Variants in FHIT observed in about 807,000 individuals in gnomAD.
FHIT encodes the protein bis(5'-adenosyl)-triphosphatase.
In FHIT, 19 loss-of-function variants were observed where a neutral mutation model predicts 17.9. That is an observed-to-expected ratio of 1.06 (90% CI 0.74 to 1.56). The LOEUF (loss-of-function observed/expected upper bound fraction) is 1.56, where lower values mean the gene tolerates loss of function less well. Ranked by LOEUF, FHIT falls within the 40% of genes most tolerant of loss-of-function variation. The pLI is 0.00. For synonymous variants in FHIT, 81 were observed against 69.7 expected (o/e 1.16, Z -0.81); for missense variants, 248 against 189.2 (o/e 1.31, Z -1.82).
At chr3:60,123,565 A>G (rs1576151477) in intron 5 of FHIT, among the ~76,000 whole-genome samples, 1 of 152,174 alleles carries the variant, frequency 6.6e-6, no homozygotes, top group Non-Finnish European at 1.5e-5. Context: ...AGAGAATTCT[A>G]AAATATCGTT....
intron 5 of FHIT, among the ~76,000 whole-genome samples, chr3:60,346,381 C>T (rs1406989972): frequency 6.6e-6 from 1 of 152,130 alleles, no homozygotes; most frequent in Non-Finnish European, 1.5e-5. Context: ...ATAAATAATG[C>T]TAATAATGAC....
chr3:61,250,668 G>T (rs1321386188), intron 1 of FHIT, among the ~76,000 whole-genome samples: 1 of 151,372 alleles, frequency 6.6e-6, no homozygotes, highest in Admixed American at 6.6e-5. Flanking sequence ...CCACCAACTT[G>T]GATATACCTT....
chr3:60,039,249 A>G (rs182725792), intron 5 of FHIT, among the ~76,000 whole-genome samples: 125 of 152,336 alleles, frequency 8.2e-4, no homozygotes, highest in African/African-American at 2.9e-3. Flanking sequence ...AAGAAAAGCC[A>G]AAGTTCCTTT....
At chr3:60,863,503 T>C (rs1409365558) in intron 3 of FHIT, among the ~76,000 whole-genome samples, 4 of 152,118 alleles carry the variant, frequency 2.6e-5, no homozygotes, top group African/African-American at 9.7e-5. Flanking sequence ...AAAGAAAGGG[T>C]TTAAGAAAAT....
intron 5 of FHIT, among the ~76,000 whole-genome samples, chr3:60,435,133 T>C (rs1387792484): frequency 6.6e-6 from 1 of 152,178 alleles, no homozygotes; most frequent in East Asian, 1.9e-4. Flanking sequence ...GCACAGCCTT[T>C]TCTCTTTGAT....
Position 61,199,259 on chromosome 3 carries a change from A to G in FHIT, c.-164+1358T>C, listed in dbSNP as rs887438428. Among the ~76,000 whole-genome samples, 5 of 152,344 alleles carry G rather than the reference A, an allele frequency of 3.3e-5. No homozygotes were observed. The South Asian group carries it at 8.3e-4, about 25-fold the overall frequency. On this transcript the variant is annotated intron_variant, in intron 2 of 9. Transcript: ENST00000492590. The stretch of plus-strand genomic sequence containing the variant: ...ATTCCCCAAGAGGAAAGGAAGCACC[A>G]TATCTGTGCCAAAAGATTACAAAGT...
At chr3:59,775,071 T>G (rs1014113421) in intron 8 of FHIT, among the ~76,000 whole-genome samples, 16 of 152,186 alleles carry the variant, frequency 1.1e-4, no homozygotes, top group African/African-American at 3.6e-4. Context: ...GGGCTATAAT[T>G]CCCAGTTTCG....
chr3:59,847,161 ATCTCTC>A (rs1297578446), intron 8 of FHIT, among the ~76,000 whole-genome samples: 1 of 152,020 alleles, frequency 6.6e-6, no homozygotes, highest in Non-Finnish European at 1.5e-5. Flanking sequence ...TCTTCAAATA[ATCTCTC>A]TGCCCCTTTC....
chr3:60,859,672 C>A (rs1221310127), intron 3 of FHIT, among the ~76,000 whole-genome samples: 2 of 149,208 alleles, frequency 1.3e-5, no homozygotes, highest in Non-Finnish European at 3.0e-5. Context: ...TACCTAAGAA[C>A]CTCCTAGGAG....
At chr3:60,365,155 A>G (rs745912363) in intron 5 of FHIT, among the ~76,000 whole-genome samples, 3 of 149,104 alleles carry the variant, frequency 2.0e-5, no homozygotes, top group South Asian at 2.1e-4. Context: ...TATATATTAT[A>G]TATGTATTTA....
intron 5 of FHIT, among the ~76,000 whole-genome samples, chr3:60,108,041 T>A (rs898328922): frequency 6.6e-6 from 1 of 152,200 alleles, no homozygotes; most frequent in Admixed American, 6.5e-5. Context: ...CAAGGTTTCA[T>A]CTTCACATAT....
chr3:60,308,042 C>T (rs953561227), intron 5 of FHIT, among the ~76,000 whole-genome samples: 40 of 152,112 alleles, frequency 2.6e-4, no homozygotes, highest in African/African-American at 6.3e-4. Flanking sequence ...AACACTACTT[C>T]GCAGATAAGA....
intron 5 of FHIT, among the ~76,000 whole-genome samples, chr3:60,472,950 T>C (rs193238416): frequency 6.6e-6 from 1 of 152,280 alleles, no homozygotes; most frequent in African/African-American, 2.4e-5. Flanking sequence ...CTGACATTTA[T>C]CTCCTTTAGT....
At chr3:60,275,264 A>G (rs964176560) in intron 5 of FHIT, among the ~76,000 whole-genome samples, 11 of 151,792 alleles carry the variant, frequency 7.2e-5, no homozygotes, top group African/African-American at 2.7e-4. Context: ...CAACTAACTT[A>G]CTTAGCAAGG....
At chr3:60,068,995 TAA>T (rs1410216477) in intron 5 of FHIT, among the ~76,000 whole-genome samples, 1 of 152,178 alleles carries the variant, frequency 6.6e-6, no homozygotes, top group Non-Finnish European at 1.5e-5. Flanking sequence ...GAAATGCTAT[TAA>T]GTCAATAAAA....
At chr3:59,898,464 G>C (rs915504058) in intron 8 of FHIT, among the ~76,000 whole-genome samples, 1 of 135,594 alleles carries the variant, frequency 7.4e-6, no homozygotes, top group Non-Finnish European at 1.6e-5. Context: ...GTGTGTGTGT[G>C]TGTGTGTGTG....
chr3:61,204,737 C>A (rs1289888911), intron 1 of FHIT, among the ~76,000 whole-genome samples: 2 of 151,318 alleles, frequency 1.3e-5, no homozygotes, highest in Admixed American at 1.3e-4. Flanking sequence ...GAAATAGGAA[C>A]CAAAAAAAAG....
At chr3:61,089,141 G>A (rs1198831835) in intron 2 of FHIT, among the ~76,000 whole-genome samples, 1 of 152,068 alleles carries the variant, frequency 6.6e-6, no homozygotes, top group African/African-American at 2.4e-5. Context: ...TTGGAAAACT[G>A]GCATAGGGCA....
chr3:60,194,727 A>G (rs776432149), intron 5 of FHIT, among the ~76,000 whole-genome samples: 7 of 152,194 alleles, frequency 4.6e-5, no homozygotes, highest in Non-Finnish European at 7.3e-5. Context: ...AACTCAAACA[A>G]ATCAGCAAGG....
Sources: gnomAD v4.1 joint callset for allele counts (sites outside exome capture counted in the v4.1 genomes callset) on GRCh38, gnomAD v4.1.1 for gene constraint, MANE v1.5 for transcripts, NCBI Gene and HGNC (gene_info 2026-07-23, HGNC 2026-07-21) for gene names.